Variants in PRDM4 observed in about 807,000 individuals in gnomAD.
The protein encoded by PRDM4 is PR/SET domain 4.
A neutral mutation model predicts 62.3 loss-of-function variants in PRDM4; 38 were observed. That is an observed-to-expected ratio of 0.61 (90% CI 0.47 to 0.80). PRDM4 has a LOEUF of 0.80. Ranked by LOEUF, PRDM4 falls within the 30% of genes least tolerant of loss-of-function variation. The pLI is 0.00. For synonymous variants in PRDM4, 339 were observed against 348.2 expected, an observed-to-expected ratio of 0.97 and a Z score of 0.30; for missense variants, 858 against 997.1, an observed-to-expected ratio of 0.86 and a Z score of 1.88.
chr12:107,760,564 C>T lies in PRDM4; in HGVS notation c.-49G>A, dbSNP rs369990284. On this transcript the variant is annotated 5_prime_UTR_variant, in exon 2 of 12. Coordinates refer to ENST00000228437, the MANE Select transcript of PRDM4 (RefSeq NM_012406.4). ...AAAGGAGCGCTCGGGTGGTGGGGAA[C>T]AGGCATCAGGGTTTGCGTTCCAGGG... is the stretch of plus-strand genomic sequence containing the variant. 1 of 1,610,180 alleles carries T rather than the reference C, an allele frequency of 6.2e-7. No individual in the cohort carries two copies. Among genetic ancestry groups the T allele is most frequent in the Non-Finnish European group, 8.5e-7 (1 of 1,178,040 alleles).
At chr12:107,755,951 T>C (rs1054731887) in intron 3 of PRDM4, among the ~76,000 whole-genome samples, 1 of 152,174 alleles carries the variant, frequency 6.6e-6, no homozygotes, top group African/African-American at 2.4e-5. Context: ...TTGAGCATGG[T>C]GGCGTGTGCC....
chr12:107,758,751 C>T (rs1286123882), intron 2 of PRDM4, among the ~76,000 whole-genome samples: 1 of 152,118 alleles, frequency 6.6e-6, no homozygotes, highest in African/African-American at 2.4e-5. Flanking sequence ...TAGGTTTCAC[C>T]CTTATCCCTG....
At chr12:107,736,181 G>A (rs539609095) in intron 11 of PRDM4, among the ~76,000 whole-genome samples, 9 of 152,316 alleles carry the variant, frequency 5.9e-5, no homozygotes, top group African/African-American at 2.2e-4. Flanking sequence ...TATAGGATGT[G>A]GGTAAACTAA....
At chr12:107,746,703 TG>T (rs1890720236) in intron 5 of PRDM4, among the ~76,000 whole-genome samples, 2 of 152,154 alleles carry the variant, frequency 1.3e-5, no homozygotes, top group South Asian at 4.1e-4. Flanking sequence ...CAGGCTTGTC[TG>T]GAACTCCTGA....
intron 9 of PRDM4, 67 bp downstream of exon 9, chr12:107,742,154 A>C (rs962972104): frequency 6.6e-7 from 1 of 1,508,252 alleles, no homozygotes; most frequent in East Asian, 2.3e-5. Flanking sequence ...AATCATTACC[A>C]AAACTTTAAT....
At chr12:107,748,115 G>A (rs1890773164) in intron 5 of PRDM4, among the ~76,000 whole-genome samples, 1 of 152,116 alleles carries the variant, frequency 6.6e-6, no homozygotes, top group African/African-American at 2.4e-5. Context: ...GGAGGTGGAG[G>A]TTGCAGTGAG....
chr12:107,757,820 G>A (rs771143879), intron 2 of PRDM4, among the ~76,000 whole-genome samples: 2 of 152,068 alleles, frequency 1.3e-5, no homozygotes, highest in Non-Finnish European at 2.9e-5. Context: ...ATCTTGCACT[G>A]CCATTACAAA....
chr12:107,743,305 C>G, intron 7 of PRDM4, 23 bp from the exon 8 acceptor site: 1 of 1,528,272 alleles, frequency 6.5e-7, no homozygotes, highest in Non-Finnish European at 9.1e-7. Context: ...AGCAAGCACA[C>G]ATGTCAAATG....
intron 3 of PRDM4, among the ~76,000 whole-genome samples, chr12:107,756,436 A>C (rs1222352909): frequency 6.6e-6 from 1 of 152,196 alleles, no homozygotes; most frequent in Non-Finnish European, 1.5e-5. Flanking sequence ...GTGGAATATA[A>C]AGCCCAATTC....
At chr12:107,758,831 T>C (rs778361750) in intron 2 of PRDM4, among the ~76,000 whole-genome samples, 1 of 152,214 alleles carries the variant, frequency 6.6e-6, no homozygotes, top group Non-Finnish European at 1.5e-5. Flanking sequence ...GTACCTTGTA[T>C]AGAACAGACA....
In PRDM4 at chr12:107,741,053, T is replaced by C; in HGVS notation, c.1817A>G (p.His606Arg). Residue 606 changes from histidine to arginine, a missense_variant, in exon 10 of 12, where the codon CAT (histidine) becomes CGT (arginine). Physicochemically the swap from His to Arg is conservative, Grantham distance 29. Coordinates refer to ENST00000228437, the MANE Select transcript of PRDM4 (RefSeq NM_012406.4). Reference sequence around the variant, plus strand: ...ACCCATGTGACCCATAAAGTGGACATGAAGTTTGGAAGGAGAGATAAAAGC... The same window carrying C: ...ACCCATGTGACCCATAAAGTGGACACGAAGTTTGGAAGGAGAGATAAAAGC... ...PQAFISPSKL[H>R]VHFMGHMGMK... 1 of 1,614,142 alleles carries C rather than the reference T, an allele frequency of 6.2e-7. No homozygotes were observed. Among genetic ancestry groups the C allele is most frequent in the Non-Finnish European group, 8.5e-7 (1 of 1,180,026 alleles).
chr12:107,760,387 T>C (rs1891202031), intron 2 of PRDM4, 118 bp downstream of exon 2: 3 of 1,325,552 alleles, frequency 2.3e-6, no homozygotes. Context: ...TTGTTTCCTT[T>C]GCAAATCACA....
chr12:107,756,011 G>A lies in PRDM4; in HGVS notation c.145+821C>T, dbSNP rs186549642. The stretch of plus-strand genomic sequence containing the variant: ...TGAGGCAGGAGAATTGCTTGAACCC[G>A]GGAGGCGGGCGGAGGTTGCAGTGAG... On this transcript the variant is annotated intron_variant, in intron 3 of 11. Coordinates refer to ENST00000228437, the MANE Select transcript of PRDM4 (RefSeq NM_012406.4). Among the ~76,000 whole-genome samples the A allele has an allele frequency of 1.7e-3, 265 of 152,288 alleles. 1 individual carries two copies. Among genetic ancestry groups the A allele is most frequent in the Middle Eastern group, 3.4e-3 (1 of 294 alleles).
intron 6 of PRDM4, 52 bp from the exon 7 acceptor site, chr12:107,744,713 A>C: frequency 6.3e-7 from 1 of 1,599,540 alleles, no homozygotes; most frequent in Non-Finnish European, 8.6e-7. Context: ...ACAGCAAGAT[A>C]CAGAAGAAAG....
chr12:107,737,585 T>C (rs936767418), intron 11 of PRDM4, among the ~76,000 whole-genome samples: 4 of 152,222 alleles, frequency 2.6e-5, no homozygotes. Context: ...CCTCAAACTA[T>C]AATTGTGTGA....
rs1465192840 is a variant in PRDM4, at chr12:107,742,326, C to A, written c.1504G>T (p.Val502Leu). 6.2e-7 allele frequency: 1 copy of A among 1,613,650 alleles called. No homozygotes were observed. The highest frequency in any genetic ancestry group is 8.5e-7 in the Non-Finnish European group (1 of 1,179,786). ...KARNREEQNL[V>L]AYPHDGKIFF... ...ATTTTTCCATCATGAGGATAAGCCA[C>A]CAAATTCTGCTCTTCCCGGTTCCTG... is the stretch of plus-strand genomic sequence containing the variant. The change falls in exon 9 of 12, where the codon GTG becomes TTG. Residue 502 changes from valine to leucine, a missense_variant. Val to Leu is a conservative substitution (Grantham distance 32). Around this residue, in one of 3 missense-constraint regions of PRDM4, gnomAD observed 355 missense variants for 432.6 expected, o/e 0.82. Coordinates refer to ENST00000228437, the MANE Select transcript of PRDM4 (RefSeq NM_012406.4).
intron 2 of PRDM4, among the ~76,000 whole-genome samples, chr12:107,757,878 GGTT>G (rs979373204): frequency 2.0e-5 from 3 of 152,046 alleles, no homozygotes; most frequent in African/African-American, 4.8e-5. Flanking sequence ...CAGCACTGAA[GGTT>G]GTTATCAAAA....
chr12:107,735,432 T>A (rs1890296932), intron 11 of PRDM4, among the ~76,000 whole-genome samples: 1 of 152,206 alleles, frequency 6.6e-6, no homozygotes. Context: ...GTTATTTGTA[T>A]TCCCTGGATG....
intron 2 of PRDM4, chr12:107,758,203 T>G (rs564027316): frequency 6.6e-6 from 1 of 151,226 alleles, no homozygotes; most frequent in African/African-American, 2.4e-5. Flanking sequence ...TGTATTGGGC[T>G]AAGTGATTTA....
Sources: allele counts gnomAD v4.1 joint callset (sites outside exome capture counted in the v4.1 genomes callset), GRCh38; gene constraint gnomAD v4.1.1; regional missense constraint gnomAD v4.1.1; transcripts MANE v1.5; gene names NCBI Gene and HGNC (gene_info 2026-07-23, HGNC 2026-07-21).